Variants in UTP4 observed in about 807,000 individuals in gnomAD.
UTP4 encodes UTP4 small subunit processome component.
In UTP4, 45 loss-of-function variants were observed where a neutral mutation model predicts 82.4. The ratio of observed to expected loss-of-function variants is 0.55; its 90% CI spans 0.43 to 0.70. The LOEUF (loss-of-function observed/expected upper bound fraction) is 0.70. Among genes scored for constraint, UTP4 ranks in the 30% least tolerant of loss-of-function variants. The probability of loss-of-function intolerance (pLI) is 0.00; values close to 1 mark genes in which losing one functional copy is unlikely to be tolerated. For missense variants in UTP4, 819 were observed against 858.3 expected (o/e 0.95, Z 0.57); for synonymous variants, 348 against 300.3 (o/e 1.16, Z -1.64).
intron 3 of UTP4, among the ~76,000 whole-genome samples, chr16:69,137,488 A>G (rs1254466906): frequency 6.6e-6 from 1 of 152,232 alleles, no homozygotes; most frequent in East Asian, 1.9e-4. Context: ...ATTTAGGCCA[A>G]GGGTCTCTAG....
intron 5 of UTP4, among the ~76,000 whole-genome samples, chr16:69,141,028 T>G (rs1350209637): frequency 6.6e-6 from 1 of 152,252 alleles, no homozygotes; most frequent in African/African-American, 2.4e-5. Context: ...TCCGGTATAC[T>G]TATTGTTTAA....
intron 9 of UTP4, 108 bp downstream of exon 9, chr16:69,153,788 T>C (rs1963340114): frequency 3.8e-6 from 3 of 782,902 alleles, no homozygotes; most frequent in Non-Finnish European, 6.7e-6. Context: ...GACTTTTGTG[T>C]CCATTTTAAC....
At position 69,157,215 on chromosome 16, in the gene UTP4, C is replaced by T; in HGVS notation, c.1419C>T (p.His473=). ...AGCTGTCAGGAGGAAGCTTCAAGCA[C>T]CTGCATGCTTTCCAGCCTCAGTCAG... is the stretch of plus-strand genomic sequence containing the variant. The part of the protein sequence containing the change: ...IVQLSGGSFK[H]LHAFQPQSGT... Residue 473 remains histidine, a synonymous_variant, in exon 12 of 17, where the codon CAC becomes CAT. Transcript: ENST00000314423. 1.1e-5 allele frequency: 18 copies of T among 1,614,158 alleles called. No homozygotes were observed. The highest frequency in any genetic ancestry group is 1.4e-5 in the Non-Finnish European group (16 of 1,180,028).
rs753439825 is a variant in UTP4, at chr16:69,163,195, T to G, written c.1647+17T>G. ...GACCAGCAGGTAAGGGAGATTCCAG[T>G]GCTTTCTATTCCCTTCCTGCTGGAT... On this transcript the variant is annotated intron_variant, in intron 14 of 16. Transcript: ENST00000314423. 3.8e-6 allele frequency: 6 copies of G among 1,581,440 alleles called. No individual in the cohort carries two copies. In the East Asian group the frequency reaches 1.3e-4, roughly 35 times the overall value.
rs1963609007 is a variant in UTP4, at chr16:69,163,193, A to G, written c.1647+15A>G. The G allele has an allele frequency of 1.0e-5, 16 of 1,590,722 alleles. No individual in the cohort carries two copies. The highest frequency in any genetic ancestry group is 1.4e-5 in the Non-Finnish European group (16 of 1,158,680). ...CGGACCAGCAGGTAAGGGAGATTCC[A>G]GTGCTTTCTATTCCCTTCCTGCTGG... is the stretch of plus-strand genomic sequence containing the variant. On this transcript the variant is annotated intron_variant, in intron 14 of 16. Coordinates refer to ENST00000314423, the MANE Select transcript of UTP4 (RefSeq NM_032830.3).
intron 6 of UTP4, among the ~76,000 whole-genome samples, chr16:69,148,320 C>A (rs1469545318): frequency 6.6e-6 from 1 of 151,070 alleles, no homozygotes; most frequent in African/African-American, 2.4e-5. Context: ...TGGTGTCTAA[C>A]CCCTGACTTC....
chr16:69,140,673 C>CA lies in UTP4; in HGVS notation c.526+771dup, dbSNP rs72148754. On this transcript the variant is annotated intron_variant, in intron 5 of 16. Transcript: ENST00000314423. ...TGACAACAAGAGTGAAACTGCGTCTCAAAAAAAAAAAATCCCTTAAGCTTA... is the reference window on the plus strand; with the variant it reads ...TGACAACAAGAGTGAAACTGCGTCTCAAAAAAAAAAAAATCCCTTAAGCTTA... Among the ~76,000 whole-genome samples the CA allele has an allele frequency of 5.9e-3, 838 of 142,550 alleles. 4 individuals carry two copies. Among genetic ancestry groups the CA allele is most frequent in the African/African-American group, 0.02 (775 of 38,946 alleles). 93.5% of individuals were successfully genotyped at this position (142,550 alleles called of 152,430 possible). A position where few individuals can be genotyped will look rare whatever the true frequency, so the allele number is the denominator to read the frequency against.
intron 8 of UTP4, 84 bp downstream of exon 8, chr16:69,150,988 A>C: frequency 2.9e-6 from 3 of 1,037,402 alleles, no homozygotes; most frequent in Non-Finnish European, 1.5e-6. Context: ...AACACAGCTC[A>C]CGCTCGGCAA....
chr16:69,156,441 G>T (rs1209281540), intron 11 of UTP4, among the ~76,000 whole-genome samples: 2 of 149,316 alleles, frequency 1.3e-5, no homozygotes, highest in Non-Finnish European at 3.0e-5. Flanking sequence ...TGGCATTACA[G>T]GCGTGAGCCA....
At chr16:69,135,318 A>G (rs1048675283) in intron 2 of UTP4, among the ~76,000 whole-genome samples, 4 of 152,140 alleles carry the variant, frequency 2.6e-5, no homozygotes, top group Admixed American at 2.6e-4. Flanking sequence ...ACAATTAATT[A>G]ACTCAGGCTG....
chr16:69,147,728 A>G (rs1427761004), intron 6 of UTP4, among the ~76,000 whole-genome samples: 1 of 152,138 alleles, frequency 6.6e-6, no homozygotes, highest in Non-Finnish European at 1.5e-5. Context: ...CCTGATACAC[A>G]TAGCCTGACG....
chr16:69,150,962 T>A (rs910975243), intron 8 of UTP4, 58 bp downstream of exon 8: 1 of 1,317,088 alleles, frequency 7.6e-7, no homozygotes, highest in African/African-American at 1.5e-5. Flanking sequence ...TGTGTCCCCC[T>A]GTCCCACAAG....
chr16:69,147,035 TG>T (rs1268960626), intron 6 of UTP4, among the ~76,000 whole-genome samples: 2 of 143,558 alleles, frequency 1.4e-5, no homozygotes, highest in African/African-American at 5.1e-5. Context: ...AAAATTAGCC[TG>T]CATGGTGCTG....
chr16:69,149,635 C>T (rs1452245790), intron 6 of UTP4, among the ~76,000 whole-genome samples: 6 of 152,166 alleles, frequency 3.9e-5, no homozygotes, highest in African/African-American at 1.4e-4. Context: ...TCAAGTGATC[C>T]TCCTACCCAG....
chr16:69,154,945 C>G (rs147974704), intron 10 of UTP4, among the ~76,000 whole-genome samples: 2,732 of 152,056 alleles, frequency 0.018, 84 homozygotes, highest in African/African-American at 0.062. Flanking sequence ...GTCTTGAACT[C>G]CCGACCTCAG....
At position 69,139,923 on chromosome 16, in the gene UTP4, T is replaced by A; in HGVS notation, c.526+9T>A. ...GTTTGATGTCAAATCAGGTGATTGT[T>A]TTTTTCAGTTCATTTGGGGTGTGGG... On this transcript the variant is annotated intron_variant, in intron 5 of 16. Transcript: ENST00000314423. 1 of 1,593,210 alleles carries A rather than the reference T, an allele frequency of 6.3e-7. No homozygotes were observed. The highest frequency in any genetic ancestry group is 8.6e-7 in the Non-Finnish European group (1 of 1,160,974).
chr16:69,167,101 C>G lies in UTP4; in HGVS notation c.1860C>G (p.Leu620=), dbSNP rs960073032. Residue 620 remains leucine, a synonymous_variant, in exon 16 of 17, where the codon CTC becomes CTG. Transcript: ENST00000314423. ...CCCTTCCAAATGACAAAACCTTACT[C>G]TACAATCCATTTCCTCCCACGAATG... The part of the protein sequence containing the change: ...SLPLPNDKTL[L]YNPFPPTNES... 6.2e-7 allele frequency: 1 copy of G among 1,613,826 alleles called. No homozygotes were observed. Among genetic ancestry groups the G allele is most frequent in the African/African-American group, 1.3e-5 (1 of 74,928 alleles).
At chr16:69,151,506 G>A (rs1360838263) in intron 8 of UTP4, among the ~76,000 whole-genome samples, 1 of 151,276 alleles carries the variant, frequency 6.6e-6, no homozygotes, top group Non-Finnish European at 1.5e-5. Context: ...ATTTTTAGTA[G>A]AGGTGGGGTT....
Position 69,160,366 on chromosome 16 carries a change from G to A in UTP4, c.1455G>A (p.Glu485=), listed in dbSNP as rs762116217. 6.2e-7 allele frequency: 1 copy of A among 1,613,754 alleles called. No individual in the cohort carries two copies. The highest frequency in any genetic ancestry group is 2.2e-5 in the East Asian group (1 of 44,880). The part of the protein sequence containing the change: ...HAFQPQSGTV[E]AMCLLAVSPD... ...GTTTTGTCCTCACAGGAACAGTGGA[G>A]GCCATGTGTCTTTTGGCAGTCAGTC... Residue 485 remains glutamate (E), a synonymous_variant, in exon 13 of 17, where the codon GAG becomes GAA. Coordinates refer to ENST00000314423, the MANE Select transcript of UTP4 (RefSeq NM_032830.3).
Sources: gnomAD v4.1 joint callset for allele counts (sites outside exome capture counted in the v4.1 genomes callset) on GRCh38, gnomAD v4.1.1 for gene constraint, MANE v1.5 for transcripts, NCBI Gene and HGNC (gene_info 2026-07-23, HGNC 2026-07-21) for gene names.